Variants in PCDHB5 observed in about 807,000 individuals in gnomAD.
PCDHB5 encodes protocadherin beta 5.
For synonymous variants in PCDHB5, 569 were observed against 462.2 expected, an observed-to-expected ratio of 1.23 and a Z score of -2.96; for missense variants, 1,125 against 1,029.4, an observed-to-expected ratio of 1.09 and a Z score of -1.27.
rs1588324473 is a variant in PCDHB5 at position 141,135,952 on chromosome 5, G to A, written c.518G>A (p.Ser173Asn). ...GSNTVQNYTI[S>N]PNSHFHVATH... is the part of the protein sequence containing the mutation. The stretch of plus-strand genomic sequence containing the variant: ...AACACTGTTCAGAACTACACAATCA[G>A]CCCAAATTCACACTTTCATGTTGCT... Residue 173 changes from serine to asparagine, a missense_variant, in exon 1 of 1, where the codon AGC becomes AAC. Physicochemically the swap from Ser to Asn is conservative, Grantham distance 46. Transcript: ENST00000231134. 6.2e-7 allele frequency: 1 copy of A among 1,614,202 alleles called. No homozygotes were observed. The highest frequency in any genetic ancestry group is 8.5e-7 in the Non-Finnish European group (1 of 1,180,038).
rs1237263949 is a variant in PCDHB5, at chr5:141,137,316, C to T, written c.1882C>T (p.Leu628=). The part of the protein sequence containing the change: ...AHNGEVRTAR[L]LSERDAAKHR... ...CAATGGCGAGGTGCGCACCGCCAGG[C>T]TGCTGAGCGAGCGCGACGCGGCCAA... The change falls in exon 1 of 1, where the codon CTG becomes TTG. Residue 628 remains leucine (L), a synonymous_variant. Transcript: ENST00000231134. 1 of 1,609,974 alleles carries T rather than the reference C, an allele frequency of 6.2e-7. No individual in the cohort carries two copies. Among genetic ancestry groups the T allele is most frequent in the Non-Finnish European group, 8.5e-7 (1 of 1,179,592 alleles).
chr5:141,137,334 G>C lies in PCDHB5; in HGVS notation c.1900G>C (p.Ala634Pro). Residue 634 changes from alanine (A) to proline (P), a missense_variant, in exon 1 of 1, where the codon GCG (alanine) becomes CCG (proline). By Grantham distance (27) the Ala-to-Pro change is conservative. Transcript: ENST00000231134. ...RTARLLSERD[A>P]AKHRLVVLVK... ...CGCCAGGCTGCTGAGCGAGCGCGACGCGGCCAAGCACAGGCTGGTGGTGCT... is the reference window on the plus strand; with the variant it reads ...CGCCAGGCTGCTGAGCGAGCGCGACCCGGCCAAGCACAGGCTGGTGGTGCT... 6.2e-7 allele frequency: 1 copy of C among 1,609,856 alleles called. No individual in the cohort carries two copies. Among genetic ancestry groups the C allele is most frequent in the Non-Finnish European group, 8.5e-7 (1 of 1,179,546 alleles).
chr5:141,137,363 CA>C lies in PCDHB5; in HGVS notation c.1931del (p.Lys644ArgfsTer95). The C allele has an allele frequency of 6.2e-7, 1 of 1,609,764 alleles. No homozygotes were observed. Reference sequence around the variant, plus strand: ...CCAAGCACAGGCTGGTGGTGCTGGTCAAGGACAATGGCGAGCCTCCGCGCTC... The same window carrying C: ...CCAAGCACAGGCTGGTGGTGCTGGTCAGGACAATGGCGAGCCTCCGCGCTC... ...AAKHRLVVLV[K>X]DNGEPPRSAT... On this transcript the variant is annotated frameshift_variant, in exon 1 of 1. Transcript: ENST00000231134. LOFTEE classifies it low-confidence loss of function (END_TRUNC).
In PCDHB5 at chr5:141,135,729, A is replaced by G; in HGVS notation, c.295A>G (p.Thr99Ala). The change falls in exon 1 of 1, where the codon ACA (threonine) becomes GCA (alanine). Residue 99 changes from threonine (T) to alanine (A), a missense_variant. Coordinates refer to ENST00000231134, the MANE Select transcript of PCDHB5 (RefSeq NM_015669.5). ...AGACCGGGAGGTGATGTGCGGGGCG[A>G]CAGAACCCTGTATATTGCATTTCCA... ...KLDREVMCGATEPCILHFQLL... is the reference protein window; with the variant it reads ...KLDREVMCGAAEPCILHFQLL... 1 of 1,614,158 alleles carries G rather than the reference A, an allele frequency of 6.2e-7. No individual in the cohort carries two copies. Among genetic ancestry groups the G allele is most frequent in the Non-Finnish European group, 8.5e-7 (1 of 1,180,038 alleles).
chr5:141,137,909 A>G lies in PCDHB5; in HGVS notation c.*87A>G. 1 of 1,234,514 alleles carries G rather than the reference A, an allele frequency of 8.1e-7. No homozygotes were observed. The highest frequency in any genetic ancestry group is 2.4e-5 in the East Asian group (1 of 42,394). The allele number at this position is 1,234,514 out of a possible 1,614,324, so 76.5% of individuals were successfully genotyped here. A position where few individuals can be genotyped will look rare whatever the true frequency, so the allele number is the denominator to read the frequency against. ...CGAGAGTGTCATGGACAAAAATTTC[A>G]CCTTGAGATTGAGCTTTTATTTCCC... On this transcript the variant is annotated 3_prime_UTR_variant, in exon 1 of 1. Coordinates refer to ENST00000231134, the MANE Select transcript of PCDHB5 (RefSeq NM_015669.5).
chr5:141,136,793 C>T lies in PCDHB5; in HGVS notation c.1359C>T (p.Thr453=), dbSNP rs200972030. The change falls in exon 1 of 1, where the codon ACC becomes ACT. Residue 453 remains threonine (T), a synonymous_variant. Coordinates refer to ENST00000231134, the MANE Select transcript of PCDHB5 (RefSeq NM_015669.5). ...ACAACGCCCCCGCCTTCACCCAAAC[C>T]TCCTACACCCTGTTCGTCCGAGAGA... ...VNDNAPAFTQ[T]SYTLFVRENN... The T allele has an allele frequency of 1.2e-6, 2 of 1,613,876 alleles. No individual in the cohort carries two copies.
In PCDHB5 at chr5:141,137,275, T is replaced by C; in HGVS notation, c.1841T>C (p.Phe614Ser). ...QLLKATEPGL[F>S]SMWAHNGEVR... ...CTCAAGGCCACGGAGCCCGGGCTGTTCAGCATGTGGGCGCACAATGGCGAG... is the reference window on the plus strand; with the variant it reads ...CTCAAGGCCACGGAGCCCGGGCTGTCCAGCATGTGGGCGCACAATGGCGAG... The change falls in exon 1 of 1, where the codon TTC (phenylalanine) becomes TCC (serine). Residue 614 changes from phenylalanine to serine, a missense_variant. By Grantham distance (155) the Phe-to-Ser change is radical. Coordinates refer to ENST00000231134, the MANE Select transcript of PCDHB5 (RefSeq NM_015669.5). The C allele has an allele frequency of 1.2e-6, 2 of 1,610,794 alleles. No individual in the cohort carries two copies. Among genetic ancestry groups the C allele is most frequent in the Non-Finnish European group, 1.7e-6 (2 of 1,179,666 alleles).
In PCDHB5 at chr5:141,136,021, T is replaced by C; in HGVS notation, c.587T>C (p.Leu196Pro). Residue 196 changes from leucine (L) to proline (P), a missense_variant, in exon 1 of 1, where the codon CTG becomes CCG. Physicochemically the swap from Leu to Pro is moderately conservative, Grantham distance 98. Coordinates refer to ENST00000231134, the MANE Select transcript of PCDHB5 (RefSeq NM_015669.5). ...GDGRKYPELV[L>P]DKALDREERP... ...GGCAGAAAATACCCAGAGCTGGTGCTGGACAAAGCGCTGGACCGGGAGGAG... is the reference window on the plus strand; with the variant it reads ...GGCAGAAAATACCCAGAGCTGGTGCCGGACAAAGCGCTGGACCGGGAGGAG... 3.1e-6 allele frequency: 5 copies of C among 1,614,222 alleles called. No homozygotes were observed. Among genetic ancestry groups the C allele is most frequent in the Non-Finnish European group, 4.2e-6 (5 of 1,180,008 alleles).
Position 141,136,871 on chromosome 5 carries a change from A to T in PCDHB5, c.1437A>T (p.Ser479=). 1.2e-6 allele frequency: 2 copies of T among 1,612,768 alleles called. No individual in the cohort carries two copies. Among genetic ancestry groups the T allele is most frequent in the Non-Finnish European group, 1.7e-6 (2 of 1,180,024 alleles). Residue 479 remains serine, a synonymous_variant, in exon 1 of 1, where the codon TCA becomes TCT. Transcript: ENST00000231134. ...IGSVSATDRD[S]GTNAQVTYSL... is the part of the protein sequence containing the mutation. ...GTGTCAGCGCCACAGACAGAGACTCAGGCACCAACGCCCAGGTCACCTACT... is the reference window on the plus strand; with the variant it reads ...GTGTCAGCGCCACAGACAGAGACTCTGGCACCAACGCCCAGGTCACCTACT...
rs1752566523 is a variant in PCDHB5 at position 141,136,134 on chromosome 5, GATA to G, written c.706_708del (p.Asn236del). ...CACCACAATTCGCATTGTCGTCTTG[GATA>G]ATAATGACAACGCCCCCGAATTTTT... On this transcript the variant is annotated inframe_deletion, in exon 1 of 1. Transcript: ENST00000231134. 3.1e-6 allele frequency: 5 copies of G among 1,614,162 alleles called. No homozygotes were observed. The highest frequency in any genetic ancestry group is 4.2e-6 in the Non-Finnish European group (5 of 1,179,986).
Position 141,135,861 on chromosome 5 carries a change from C to G in PCDHB5, c.427C>G (p.Pro143Ala), listed in dbSNP as rs782413905. Residue 143 changes from proline to alanine, a missense_variant, in exon 1 of 1, where the codon CCA becomes GCA. Transcript: ENST00000231134. Reference sequence around the variant, plus strand: ...AGAGAAGGAAATGCTCCTAAAAATCCCAGAGAGCACCCAGCCAGGGACTGT... The same window carrying G: ...AGAGAAGGAAATGCTCCTAAAAATCGCAGAGAGCACCCAGCCAGGGACTGT... ...FPEKEMLLKI[P>A]ESTQPGTVFP... 5.0e-6 allele frequency: 8 copies of G among 1,614,024 alleles called. No individual in the cohort carries two copies. In the Admixed American group the frequency reaches 1.3e-4, roughly 27 times the overall value.
In PCDHB5 at chr5:141,137,026, G is replaced by C; in HGVS notation, c.1592G>C (p.Gly531Ala). 1 of 1,612,098 alleles carries C rather than the reference G, an allele frequency of 6.2e-7. No individual in the cohort carries two copies. Reference sequence around the variant, plus strand: ...CTGCAGGCGTTCGAGTTCCGCGTGGGAGCCACAGACCGCGGCTCCCCGGCG... The same window carrying C: ...CTGCAGGCGTTCGAGTTCCGCGTGGCAGCCACAGACCGCGGCTCCCCGGCG... ...EALQAFEFRV[G>A]ATDRGSPALS... The change falls in exon 1 of 1, where the codon GGA (glycine) becomes GCA (alanine). Residue 531 changes from glycine (G) to alanine (A), a missense_variant. Physicochemically the swap from Gly to Ala is moderately conservative, Grantham distance 60. Transcript: ENST00000231134.
In PCDHB5 at chr5:141,136,312, T is replaced by C. The variant is rs200869263; in HGVS notation, c.878T>C (p.Ile293Thr). ...QGDEVTQPFV[I>T]DEKTAEIRLK... ...GATGAAGTTACTCAACCATTTGTAA[T>C]AGACGAGAAAACAGCAGAAATTCGC... is the stretch of plus-strand genomic sequence containing the variant. The change falls in exon 1 of 1, where the codon ATA (isoleucine) becomes ACA (threonine). Residue 293 changes from isoleucine (I) to threonine (T), a missense_variant. Physicochemically the swap from Ile to Thr is moderately conservative, Grantham distance 89. Coordinates refer to ENST00000231134, the MANE Select transcript of PCDHB5 (RefSeq NM_015669.5). The C allele has an allele frequency of 6.8e-6, 11 of 1,614,220 alleles. No homozygotes were observed. The highest frequency in any genetic ancestry group is 1.3e-5 in the African/African-American group (1 of 75,056).
rs781971004 is a variant in PCDHB5 at position 141,136,720 on chromosome 5, G to C, written c.1286G>C (p.Arg429Thr). 6.2e-7 allele frequency: 1 copy of C among 1,613,986 alleles called. No individual in the cohort carries two copies. The highest frequency in any genetic ancestry group is 1.3e-5 in the African/African-American group (1 of 74,876). ...ACTGTCACCGACATGGGGACACCCA[G>C]GCTGAAAACCGAGCACAACATAACG... ...TITVTDMGTP[R>T]LKTEHNITVL... The change falls in exon 1 of 1, where the codon AGG becomes ACG. Residue 429 changes from arginine (R) to threonine (T), a missense_variant. Arg to Thr is a moderately conservative substitution (Grantham distance 71). Transcript: ENST00000231134.
rs1465508464 is a variant in PCDHB5, at chr5:141,137,422, A to C, written c.1988A>C (p.Asp663Ala). Residue 663 changes from aspartate to alanine, a missense_variant, in exon 1 of 1, where the codon GAC becomes GCC. Transcript: ENST00000231134. ...ATATLHVLLV[D>A]GFSQPYLPLP... is the part of the protein sequence containing the mutation. The stretch of plus-strand genomic sequence containing the variant: ...GCCACGCTGCACGTGCTCCTGGTGG[A>C]CGGCTTCTCCCAGCCCTACCTGCCG... 6.2e-7 allele frequency: 1 copy of C among 1,611,246 alleles called. No individual in the cohort carries two copies. The highest frequency in any genetic ancestry group is 1.3e-5 in the African/African-American group (1 of 74,834).
At position 141,136,744 on chromosome 5, in the gene PCDHB5, C is replaced by A. The variant is rs781801829; in HGVS notation, c.1310C>A (p.Thr437Lys). 2 of 1,614,158 alleles carry A rather than the reference C, an allele frequency of 1.2e-6. No homozygotes were observed. Among genetic ancestry groups the A allele is most frequent in the Middle Eastern group, 1.7e-4 (1 of 6,056 alleles). Residue 437 changes from threonine (T) to lysine (K), a missense_variant, in exon 1 of 1, where the codon ACG (threonine) becomes AAG (lysine). Transcript: ENST00000231134. ...TPRLKTEHNITVLVSDVNDNA... is the reference protein window; with the variant it reads ...TPRLKTEHNIKVLVSDVNDNA... Reference sequence around the variant, plus strand: ...AGGCTGAAAACCGAGCACAACATAACGGTCCTGGTCTCCGACGTCAATGAC... The same window carrying A: ...AGGCTGAAAACCGAGCACAACATAAAGGTCCTGGTCTCCGACGTCAATGAC...
rs1554275706 is a variant in PCDHB5, at chr5:141,135,591, G to A, written c.157G>A (p.Gly53Ser). ...TGTGGCCAACCTGGCAAAAGACCTG[G>A]GTCTTGGGGTGGGGGAACTGGCCAC... is the stretch of plus-strand genomic sequence containing the variant. ...YSVANLAKDL[G>S]LGVGELATRG... Residue 53 changes from glycine to serine, a missense_variant, in exon 1 of 1, where the codon GGT becomes AGT. Coordinates refer to ENST00000231134, the MANE Select transcript of PCDHB5 (RefSeq NM_015669.5). 1 of 1,614,150 alleles carries A rather than the reference G, an allele frequency of 6.2e-7. No individual in the cohort carries two copies. Among genetic ancestry groups the A allele is most frequent in the African/African-American group, 1.3e-5 (1 of 75,036 alleles).
chr5:141,135,726 G>T lies in PCDHB5; in HGVS notation c.292G>T (p.Ala98Ser), dbSNP rs1752554111. ...EKLDREVMCG[A>S]TEPCILHFQL... ...ACTAGACCGGGAGGTGATGTGCGGG[G>T]CGACAGAACCCTGTATATTGCATTT... Residue 98 changes from alanine to serine, a missense_variant, in exon 1 of 1, where the codon GCG (alanine) becomes TCG (serine). Coordinates refer to ENST00000231134, the MANE Select transcript of PCDHB5 (RefSeq NM_015669.5). 2 of 1,613,976 alleles carry T rather than the reference G, an allele frequency of 1.2e-6. No individual in the cohort carries two copies. The highest frequency in any genetic ancestry group is 1.1e-5 in the South Asian group (1 of 91,072).
In PCDHB5 at chr5:141,137,887, G is replaced by A; in HGVS notation, c.*65G>A. ...AAACTTTTTCAGATCTAGAATTCGA[G>A]AGTGTCATGGACAAAAATTTCACCT... On this transcript the variant is annotated 3_prime_UTR_variant, in exon 1 of 1. Transcript: ENST00000231134. 1 of 1,428,458 alleles carries A rather than the reference G, an allele frequency of 7.0e-7. No individual in the cohort carries two copies. Among genetic ancestry groups the A allele is most frequent in the Non-Finnish European group, 9.5e-7 (1 of 1,052,746 alleles). 88.5% of individuals were successfully genotyped at this position (1,428,458 alleles called of 1,614,324 possible).
Sources: allele counts gnomAD v4.1 joint callset, GRCh38; gene constraint gnomAD v4.1.1; transcripts MANE v1.5; gene names NCBI Gene and HGNC (gene_info 2026-07-23, HGNC 2026-07-21).